The following EDIL3 variants were observed in gnomAD, a reference collection of about 807,000 sequenced individuals.
EDIL3 encodes EGF-like repeat and discoidin I-like domain-containing protein 3.
EDIL3 carries 37 observed loss-of-function variants against 67.4 expected under a neutral mutation model. The observed-to-expected ratio is 0.55, with a 90% CI of 0.42 to 0.72. The LOEUF is 0.72. EDIL3 is among the 30% of genes least tolerant of loss of function. The pLI, the probability that EDIL3 is intolerant of heterozygous loss-of-function variation, is 0.00. For missense variants in EDIL3, 527 were observed against 586.3 expected, an observed-to-expected ratio of 0.90 and a Z score of 1.04; for synonymous variants, 195 against 196.3, an observed-to-expected ratio of 0.99 and a Z score of 0.05.
At position 84,384,290 on chromosome 5, in the gene EDIL3, C is replaced by T. The variant is rs745511048; in HGVS notation, c.67+18G>A. 1.4e-5 allele frequency: 23 copies of T among 1,605,506 alleles called. No individual in the cohort carries two copies. The highest frequency in any genetic ancestry group is 2.0e-5 in the Non-Finnish European group (23 of 1,175,892). ...CCAGCCCATCCCTCACCCAGCTGTC[C>T]GGGTCCCGACGCCTTACCTTTGCCG... is the stretch of plus-strand genomic sequence containing the variant. On this transcript the variant is annotated intron_variant, in intron 1 of 10. Coordinates refer to ENST00000296591, the MANE Select transcript of EDIL3 (RefSeq NM_005711.5).
In EDIL3 at chr5:84,127,325, T is replaced by G. The variant is rs2301102; in HGVS notation, c.469+9916A>C. 9.3e-3 allele frequency among the ~76,000 whole-genome samples: 1,415 copies of G among 152,258 alleles called. 84 individuals are homozygous for G. The East Asian group carries it at 0.18, about 19-fold the overall frequency. Reference sequence around the variant, plus strand: ...AAGTTCAATTTATTTTTAAGTTGGATACTTTATGTTTCCATTCCCTTTGGA... The same window carrying G: ...AAGTTCAATTTATTTTTAAGTTGGAGACTTTATGTTTCCATTCCCTTTGGA... On this transcript the variant is annotated intron_variant, in intron 5 of 10. Transcript: ENST00000296591.
chr5:84,194,349 C>G (rs139793932), intron 3 of EDIL3, among the ~76,000 whole-genome samples: 327 of 151,936 alleles, frequency 2.2e-3, no homozygotes, highest in Non-Finnish European at 3.9e-3. Flanking sequence ...TAAGATCAAT[C>G]TGACTAGAGA....
chr5:84,040,959 C>T (rs569850713), intron 9 of EDIL3, among the ~76,000 whole-genome samples: 11 of 152,150 alleles, frequency 7.2e-5, no homozygotes, highest in African/African-American at 2.4e-4. Context: ...TGGCAAAACC[C>T]TATCTCTACA....
chr5:83,998,959 G>C (rs372411506), intron 9 of EDIL3, among the ~76,000 whole-genome samples: 74 of 152,222 alleles, frequency 4.9e-4, no homozygotes, highest in African/African-American at 1.5e-3. Context: ...TTGTTTGGGA[G>C]ACAGTAAGGG....
At chr5:84,377,364 G>A (rs2112219780) in intron 1 of EDIL3, among the ~76,000 whole-genome samples, 1 of 151,006 alleles carries the variant, frequency 6.6e-6, no homozygotes, top group Admixed American at 6.6e-5. Flanking sequence ...CTAAGGCTCA[G>A]GCCTGTAGGT....
intron 9 of EDIL3, among the ~76,000 whole-genome samples, chr5:84,016,535 C>T (rs1009499822): frequency 1.3e-5 from 2 of 152,104 alleles, no homozygotes; most frequent in Non-Finnish European, 2.9e-5. Context: ...TCCAAAATAA[C>T]AACTTTTTGA....
At chr5:84,063,165 T>C (rs1421160620) in intron 8 of EDIL3, among the ~76,000 whole-genome samples, 1 of 152,102 alleles carries the variant, frequency 6.6e-6, no homozygotes, top group African/African-American at 2.4e-5. Flanking sequence ...AAAGACTGAC[T>C]CTCATGAATC....
At chr5:84,059,710 G>A (rs1235096741) in intron 9 of EDIL3, among the ~76,000 whole-genome samples, 4 of 152,068 alleles carry the variant, frequency 2.6e-5, no homozygotes, top group Admixed American at 6.6e-5. Flanking sequence ...ATATTTAAAC[G>A]TGCTCCACAA....
chr5:84,157,523 A>T (rs1327556825), intron 4 of EDIL3, among the ~76,000 whole-genome samples: 1 of 152,096 alleles, frequency 6.6e-6, no homozygotes, highest in East Asian at 1.9e-4. Flanking sequence ...CTATGGATGT[A>T]ATGTATACAT....
intron 10 of EDIL3, among the ~76,000 whole-genome samples, chr5:83,955,185 T>G (rs1273108194): frequency 1.3e-5 from 2 of 151,762 alleles, no homozygotes; most frequent in African/African-American, 4.8e-5. Context: ...CATGAGATAT[T>G]CAGAATTTTA....
chr5:84,358,592 CTTTT>C (rs756013675), intron 1 of EDIL3, among the ~76,000 whole-genome samples: 1,468 of 94,120 alleles, frequency 0.016, 1 homozygote, highest in Non-Finnish European at 0.026. Flanking sequence ...CATTTTTATC[CTTTT>C]TTTTTTTTTT....
chr5:84,141,924 C>CATATATATATATATATAT (rs1267450756), intron 4 of EDIL3, among the ~76,000 whole-genome samples: 5 of 128,706 alleles, frequency 3.9e-5, no homozygotes, highest in African/African-American at 1.6e-4. Context: ...TATATATATA[C>CATATATATATATATATAT]ACATATATAT....
chr5:84,026,257 C>T (rs923042517), intron 9 of EDIL3, among the ~76,000 whole-genome samples: 2 of 152,268 alleles, frequency 1.3e-5, no homozygotes, highest in East Asian at 3.9e-4. Flanking sequence ...CTGTTTTGAT[C>T]CCACAGATAT....
At chr5:84,233,552 C>A (rs2112047744) in intron 2 of EDIL3, among the ~76,000 whole-genome samples, 1 of 152,272 alleles carries the variant, frequency 6.6e-6, no homozygotes, top group African/African-American at 2.4e-5. Context: ...GTATCTATAT[C>A]AATGCTTTAG....
intron 5 of EDIL3, among the ~76,000 whole-genome samples, chr5:84,127,930 G>C (rs1428009442): frequency 2.0e-5 from 3 of 151,996 alleles, no homozygotes; most frequent in African/African-American, 7.3e-5. Flanking sequence ...TTAATAACTA[G>C]CTGTACTATC....
intron 3 of EDIL3, among the ~76,000 whole-genome samples, chr5:84,216,703 A>G (rs1744233147): frequency 6.6e-6 from 1 of 152,212 alleles, no homozygotes; most frequent in African/African-American, 2.4e-5. Flanking sequence ...CTGCATATTG[A>G]CTGAATAAAA....
chr5:83,980,375 T>A (rs1377183224), intron 9 of EDIL3, among the ~76,000 whole-genome samples: 1 of 151,854 alleles, frequency 6.6e-6, no homozygotes, highest in African/African-American at 2.4e-5. Context: ...GGTATCTGGA[T>A]TGGAAAAAAG....
At chr5:84,367,275 G>T (rs1747758324) in intron 1 of EDIL3, among the ~76,000 whole-genome samples, 1 of 151,854 alleles carries the variant, frequency 6.6e-6, no homozygotes, top group Admixed American at 6.6e-5. Flanking sequence ...TAAATTTAAT[G>T]ACTTTTTTTT....
chr5:84,355,759 G>A (rs1304542506), intron 1 of EDIL3, among the ~76,000 whole-genome samples: 2 of 152,162 alleles, frequency 1.3e-5, no homozygotes, highest in African/African-American at 4.8e-5. Flanking sequence ...AGGAGGCACA[G>A]GCATCAGGGA....
Sources: allele counts gnomAD v4.1 joint callset (sites outside exome capture counted in the v4.1 genomes callset), GRCh38; gene constraint gnomAD v4.1.1; transcripts MANE v1.5; gene names NCBI Gene and HGNC (gene_info 2026-07-23, HGNC 2026-07-21).